The following DDX10 variants were observed in gnomAD, a reference collection of about 807,000 sequenced individuals.
The protein encoded by DDX10 is DEAD-box helicase 10, also known as probable ATP-dependent RNA helicase DDX10.
In DDX10, 74 loss-of-function variants were observed where a neutral mutation model predicts 104.3. The ratio of observed to expected loss-of-function variants is 0.71; its 90% CI spans 0.59 to 0.86. DDX10 has a LOEUF of 0.86. DDX10 is among the 40% of genes least tolerant of loss of function. DDX10 has a pLI of 0.00. For synonymous variants in DDX10, 351 were observed against 353.4 expected (o/e 0.99, Z 0.08); for missense variants, 952 against 1,040.0 (o/e 0.92, Z 1.16).
intron 13 of DDX10, among the ~76,000 whole-genome samples, chr11:108,726,031 A>G (rs1039134209): frequency 5.3e-5 from 8 of 151,930 alleles, no homozygotes; most frequent in Admixed American, 5.2e-4. Context: ...ATTTGTTTGG[A>G]AAAAACTATG....
At chr11:108,871,104 C>G (rs1344009855) in intron 16 of DDX10, among the ~76,000 whole-genome samples, 2 of 152,110 alleles carry the variant, frequency 1.3e-5, no homozygotes, top group East Asian at 3.9e-4. Context: ...CATGGACAAT[C>G]TCTAATTATA....
At chr11:108,776,256 C>T (rs938391126) in intron 13 of DDX10, among the ~76,000 whole-genome samples, 2 of 152,274 alleles carry the variant, frequency 1.3e-5, no homozygotes, top group African/African-American at 4.8e-5. Context: ...GTTCTTTCTT[C>T]GAACTGTTAT....
intron 13 of DDX10, among the ~76,000 whole-genome samples, chr11:108,738,200 A>C (rs1343891515): frequency 2.7e-5 from 4 of 150,554 alleles, no homozygotes; most frequent in Non-Finnish European, 5.9e-5. Flanking sequence ...TAGGTAAATT[A>C]CTATTAAAGC....
At chr11:108,845,221 C>T (rs1862699235) in intron 15 of DDX10, among the ~76,000 whole-genome samples, 1 of 151,972 alleles carries the variant, frequency 6.6e-6, no homozygotes, top group East Asian at 1.9e-4. Context: ...AACAAACAAA[C>T]AAACAAACAA....
intron 13 of DDX10, among the ~76,000 whole-genome samples, chr11:108,798,180 T>G (rs1861972196): frequency 6.6e-6 from 1 of 152,192 alleles, no homozygotes; most frequent in African/African-American, 2.4e-5. Context: ...TCTAAATGCC[T>G]AGTCTTCAAT....
intron 16 of DDX10, among the ~76,000 whole-genome samples, chr11:108,871,624 C>G (rs576483820): frequency 2.6e-5 from 4 of 152,162 alleles, no homozygotes; most frequent in Non-Finnish European, 5.9e-5. Context: ...ACCAGTCCCA[C>G]GAATTTAAGA....
chr11:108,922,556 T>C (rs1026460073), intron 17 of DDX10, among the ~76,000 whole-genome samples: 1 of 152,228 alleles, frequency 6.6e-6, no homozygotes, highest in Non-Finnish European at 1.5e-5. Flanking sequence ...CTGGGGTCAA[T>C]AGTTCCCCCT....
At chr11:108,697,172 T>C (rs1011749961) in intron 9 of DDX10, among the ~76,000 whole-genome samples, 3 of 152,176 alleles carry the variant, frequency 2.0e-5, no homozygotes, top group African/African-American at 7.2e-5. Context: ...AAAGTATTTT[T>C]ACTTGACTAT....
intron 10 of DDX10, among the ~76,000 whole-genome samples, chr11:108,710,353 G>C (rs769762119): frequency 2.6e-5 from 4 of 151,802 alleles, no homozygotes; most frequent in Non-Finnish European, 4.4e-5. Flanking sequence ...ATTACACTTA[G>C]CTTAAAACCC....
intron 9 of DDX10, among the ~76,000 whole-genome samples, chr11:108,701,112 A>G (rs1374443182): frequency 1.3e-5 from 2 of 152,062 alleles, no homozygotes; most frequent in Admixed American, 1.3e-4. Flanking sequence ...TTTCCCCAGA[A>G]TATTTCCAAA....
chr11:108,678,296 A>G lies in DDX10; in HGVS notation c.538-19A>G. The G allele has an allele frequency of 6.2e-7, 1 of 1,605,360 alleles. No homozygotes were observed. The highest frequency in any genetic ancestry group is 8.5e-7 in the Non-Finnish European group (1 of 1,177,126). On this transcript the variant is annotated intron_variant, in intron 4 of 17. Transcript: ENST00000322536. The stretch of plus-strand genomic sequence containing the variant: ...GAGAGTGATGTGTCTGTGTAATCAA[A>G]ATAAATAACTGTTTTCAGGATCTAA...
intron 16 of DDX10, among the ~76,000 whole-genome samples, chr11:108,861,614 G>C (rs1862942546): frequency 6.6e-6 from 1 of 152,158 alleles, no homozygotes; most frequent in South Asian, 2.1e-4. Flanking sequence ...TTTTCGGTTA[G>C]AGTTTACCTT....
chr11:108,938,732 C>T (rs1042865932), intron 17 of DDX10, among the ~76,000 whole-genome samples: 19 of 152,114 alleles, frequency 1.2e-4, no homozygotes, highest in Non-Finnish European at 2.9e-5. Flanking sequence ...TCTAGTTTGT[C>T]TTTCCTCCAG....
At chr11:108,909,320 G>A (rs1025169677) in intron 16 of DDX10, among the ~76,000 whole-genome samples, 1 of 151,910 alleles carries the variant, frequency 6.6e-6, no homozygotes, top group Non-Finnish European at 1.5e-5. Flanking sequence ...GGGCATGGAA[G>A]TTCTGTGCCC....
intron 3 of DDX10, 130 bp downstream of exon 3, chr11:108,675,856 A>C: frequency 8.5e-7 from 1 of 1,176,228 alleles, no homozygotes; most frequent in East Asian, 2.4e-5. Flanking sequence ...TGCGAGCTTC[A>C]TCAAACAGGA....
intron 12 of DDX10, among the ~76,000 whole-genome samples, chr11:108,720,199 G>C (rs1355408922): frequency 6.6e-6 from 1 of 152,196 alleles, no homozygotes; most frequent in Non-Finnish European, 1.5e-5. Flanking sequence ...AATTAGTTCA[G>C]TGTTCAGTTC....
chr11:108,780,535 A>G (rs1419306447), intron 13 of DDX10, among the ~76,000 whole-genome samples: 6 of 152,136 alleles, frequency 3.9e-5, no homozygotes, highest in Non-Finnish European at 8.8e-5. Context: ...CCAGAGTTCT[A>G]AGAATTTTAT....
chr11:108,822,453 C>T, intron 13 of DDX10: 2 of 362,586 alleles, frequency 5.5e-6, no homozygotes, highest in Admixed American at 6.0e-5. Flanking sequence ...CCAAATAGTG[C>T]ATCAGTGTAT....
chr11:108,686,159 C>T (rs940940198), intron 6 of DDX10, among the ~76,000 whole-genome samples: 1 of 152,094 alleles, frequency 6.6e-6, no homozygotes, highest in Non-Finnish European at 1.5e-5. Context: ...TGCCACATAC[C>T]TGCTGTCCCC....
Sources: allele counts gnomAD v4.1 joint callset (sites outside exome capture counted in the v4.1 genomes callset), GRCh38; gene constraint gnomAD v4.1.1; transcripts MANE v1.5; gene names NCBI Gene and HGNC (gene_info 2026-07-23, HGNC 2026-07-21).